Variants in CDH23 observed in about 807,000 individuals in gnomAD.
CDH23 encodes cadherin-23.
CDH23 carries 189 observed loss-of-function variants against 317.1 expected under a neutral mutation model. That is an observed-to-expected ratio of 0.60 (90% confidence interval 0.53 to 0.67). The LOEUF is 0.67. CDH23 is among the 30% of genes least tolerant of loss of function. The pLI is 0.00. For missense variants in CDH23, 4,401 were observed against 4,592.4 expected (o/e 0.96, Z 1.20); for synonymous variants, 1,839 against 1,876.8 (o/e 0.98, Z 0.52).
At chr10:71,621,053 A>G (rs1861443249) in intron 11 of CDH23, among the ~76,000 whole-genome samples, 1 of 152,224 alleles carries the variant, frequency 6.6e-6, no homozygotes. Context: ...TGTCAACAGG[A>G]GCAAAAGAAG....
chr10:71,696,455 A>G (rs769025777), intron 22 of CDH23, among the ~76,000 whole-genome samples: 5 of 152,210 alleles, frequency 3.3e-5, no homozygotes, highest in Non-Finnish European at 7.4e-5. Flanking sequence ...AGACAGACTT[A>G]GAGCTTAAAG....
intron 36 of CDH23, among the ~76,000 whole-genome samples, chr10:71,740,582 C>T (rs571905617): frequency 1.2e-4 from 18 of 152,146 alleles, no homozygotes; most frequent in Non-Finnish European, 2.2e-4. Context: ...AACGAGGATC[C>T]CAAGTCAGAC....
intron 2 of CDH23, among the ~76,000 whole-genome samples, chr10:71,443,251 G>A (rs1849986535): frequency 6.6e-6 from 1 of 152,174 alleles, no homozygotes; most frequent in Non-Finnish European, 1.5e-5. Flanking sequence ...CATGCCCTCA[G>A]AGGAACCCCC....
intron 14 of CDH23, among the ~76,000 whole-genome samples, chr10:71,650,999 G>A (rs1863141278): frequency 6.6e-6 from 1 of 152,222 alleles, no homozygotes; most frequent in Admixed American, 6.5e-5. Flanking sequence ...TAGGCACATG[G>A]CCCTGAGGAC....
intron 11 of CDH23, among the ~76,000 whole-genome samples, chr10:71,641,250 A>G (rs778566937): frequency 2.6e-5 from 4 of 152,178 alleles, no homozygotes; most frequent in Non-Finnish European, 5.9e-5. Context: ...CCCAGCCCCC[A>G]GAGATGATGA....
intron 8 of CDH23, 98 bp downstream of exon 8, chr10:71,571,016 T>G: frequency 7.3e-7 from 1 of 1,378,558 alleles, no homozygotes; most frequent in East Asian, 2.3e-5. Flanking sequence ...GCTGGGCTCC[T>G]CCTTGGCTCC....
intron 38 of CDH23, among the ~76,000 whole-genome samples, chr10:71,774,042 TGC>T (rs57108074): frequency 0.34 from 42,763 of 124,344 alleles, 6,353 homozygotes; most frequent in Middle Eastern, 0.42. Context: ...CCTGAGTGCA[TGC>T]GCGCGCGCAC....
chr10:71,787,101 C>T (rs1240382596), intron 44 of CDH23, among the ~76,000 whole-genome samples: 2 of 152,140 alleles, frequency 1.3e-5, no homozygotes, highest in Non-Finnish European at 2.9e-5. Flanking sequence ...GCCAGGGCAA[C>T]AGGAAGGCCT....
In CDH23 at chr10:71,784,513, G is replaced by T. The variant is rs1358756239; in HGVS notation, c.5502+93G>T. 3 of 1,511,444 alleles carry T rather than the reference G, an allele frequency of 2.0e-6. No individual in the cohort carries two copies. In the African/African-American group the frequency reaches 4.1e-5, roughly 21 times the overall value. The allele number at this position is 1,511,444 out of a possible 1,614,324, so 93.6% of individuals were successfully genotyped here. On this transcript the variant is annotated intron_variant, in intron 42 of 69. Coordinates refer to ENST00000224721, the MANE Select transcript of CDH23 (RefSeq NM_022124.6). ...AAACATTGTTACCCTTGTGCCAAGA[G>T]AGGCCACAGGCTGCCCTGGAGCCAG...
intron 3 of CDH23, among the ~76,000 whole-genome samples, chr10:71,506,491 G>A (rs1010238408): frequency 1.3e-5 from 2 of 152,204 alleles, no homozygotes; most frequent in Non-Finnish European, 1.5e-5. Context: ...AACCTGTGTG[G>A]CATGTGTACC....
chr10:71,401,130 T>A (rs1441451435), intron 1 of CDH23, among the ~76,000 whole-genome samples: 1 of 152,162 alleles, frequency 6.6e-6, no homozygotes, highest in African/African-American at 2.4e-5. Flanking sequence ...GAAGTGCAGA[T>A]CAGATTGGGT....
At chr10:71,754,374 G>A (rs1840080529) in intron 38 of CDH23, among the ~76,000 whole-genome samples, 1 of 152,160 alleles carries the variant, frequency 6.6e-6, no homozygotes, top group Non-Finnish European at 1.5e-5. Context: ...AGTTGTTAAG[G>A]GCCGGCCACA....
At position 71,677,557 on chromosome 10, in the gene CDH23, G is replaced by A. The variant is rs746351845; in HGVS notation, c.1616G>A (p.Gly539Asp). The A allele has an allele frequency of 2.3e-5, 37 of 1,611,494 alleles. No individual in the cohort carries two copies. The highest frequency in any genetic ancestry group is 1.2e-4 in the Admixed American group (7 of 59,692). ...CTGACGATCATTGCCCGGGACGGGG[G>A]CGGCGAGGAGACCACAGGCCGGGTC... ...FTLTIIARDGGGEETTGRVRI... is the reference protein window; with the variant it reads ...FTLTIIARDGDGEETTGRVRI... Residue 539 changes from glycine (G) to aspartate (D), a missense_variant, in exon 16 of 70, where the codon GGC becomes GAC. Gly to Asp is a moderately conservative substitution (Grantham distance 94). Around this residue, in one of 3 missense-constraint regions of CDH23, gnomAD observed 3,068 missense variants for 3,203.3 expected, o/e 0.96. Transcript: ENST00000224721.
chr10:71,602,545 A>G (rs1589253067), intron 9 of CDH23, among the ~76,000 whole-genome samples: 1 of 152,126 alleles, frequency 6.6e-6, no homozygotes, highest in East Asian at 1.9e-4. Context: ...TGGCAGTTGG[A>G]GGGGGAGGCT....
At chr10:71,785,828 A>C (rs1761322873) in intron 44 of CDH23, 90 bp downstream of exon 44, 6 of 822,276 alleles carry the variant, frequency 7.3e-6, no homozygotes, top group Non-Finnish European at 1.0e-5. Flanking sequence ...CAGCATAGCC[A>C]GGCTTAGATG....
intron 1 of CDH23, among the ~76,000 whole-genome samples, chr10:71,421,155 T>C (rs1848795846): frequency 6.6e-6 from 1 of 152,252 alleles, no homozygotes; most frequent in African/African-American, 2.4e-5. Flanking sequence ...ATGAAGCCTG[T>C]GATCCCCTCT....
At chr10:71,478,639 G>T (rs144014233) in intron 3 of CDH23, among the ~76,000 whole-genome samples, 183 of 152,258 alleles carry the variant, frequency 1.2e-3, no homozygotes, top group African/African-American at 4.1e-3. Context: ...TAGTTCATTA[G>T]ATGCTGTTGG....
chr10:71,756,058 T>C (rs983389234), intron 38 of CDH23, among the ~76,000 whole-genome samples: 1 of 152,118 alleles, frequency 6.6e-6, no homozygotes, highest in East Asian at 1.9e-4. Context: ...CCCCTTGATC[T>C]CACCACACAA....
chr10:71,792,702 A>G (rs1841283319), intron 47 of CDH23, among the ~76,000 whole-genome samples: 1 of 151,110 alleles, frequency 6.6e-6, no homozygotes, highest in Non-Finnish European at 1.5e-5. Context: ...GGTGCCTGTA[A>G]TCCCAGCTAC....
Sources: allele counts gnomAD v4.1 joint callset (sites outside exome capture counted in the v4.1 genomes callset), GRCh38; gene constraint gnomAD v4.1.1; regional missense constraint gnomAD v4.1.1; transcripts MANE v1.5; gene names NCBI Gene and HGNC (gene_info 2026-07-23, HGNC 2026-07-21).